MEI4: variants seen among roughly 807,000 people sequenced by gnomAD.
The protein encoded by MEI4 is meiosis-specific protein MEI4.
MEI4 carries 27 observed loss-of-function variants against 31.4 expected under a neutral mutation model. The ratio of observed to expected loss-of-function variants is 0.86; its 90% confidence interval spans 0.63 to 1.19. The LOEUF is 1.19. Ranked by LOEUF, MEI4 falls within the 50% of genes most tolerant of loss-of-function variation. The probability of loss-of-function intolerance (pLI) is 0.00; values close to 1 mark genes in which losing one functional copy is unlikely to be tolerated. For synonymous variants in MEI4, 122 were observed against 145.4 expected (o/e 0.84, Z 1.16); for missense variants, 329 against 398.9 (o/e 0.82, Z 1.49).
At chr6:77,785,257 C>A (rs193262166) in intron 3 of MEI4, among the ~76,000 whole-genome samples, 1 of 152,212 alleles carries the variant, frequency 6.6e-6, no homozygotes, top group Non-Finnish European at 1.5e-5. Flanking sequence ...TATTATTTTA[C>A]TCTTAAATGC....
At chr6:77,841,332 T>TAC (rs1770355941) in intron 4 of MEI4, among the ~76,000 whole-genome samples, 3 of 58,634 alleles carry the variant, frequency 5.1e-5, no homozygotes, top group Middle Eastern at 5.3e-3. Context: ...TATATATATA[T>TAC]ATTTTTTTTT....
intron 2 of MEI4, among the ~76,000 whole-genome samples, chr6:77,744,924 A>G (rs1253736522): frequency 1.3e-5 from 2 of 152,146 alleles, no homozygotes; most frequent in Admixed American, 6.6e-5. Flanking sequence ...AATGCTAAGA[A>G]ATTTTGTCAC....
At chr6:77,778,608 G>A (rs1049133143) in intron 3 of MEI4, among the ~76,000 whole-genome samples, 71 of 151,842 alleles carry the variant, frequency 4.7e-4, no homozygotes, top group Admixed American at 4.5e-3. Flanking sequence ...AGGCTGAGAT[G>A]GGAGAATCCT....
chr6:77,808,149 C>T (rs900620201), intron 3 of MEI4, among the ~76,000 whole-genome samples: 1 of 152,080 alleles, frequency 6.6e-6, no homozygotes, highest in African/African-American at 2.4e-5. Context: ...AAAAGGGTCC[C>T]AGTTACAAAT....
At chr6:77,662,504 CG>C (rs1475021953) in intron 1 of MEI4, among the ~76,000 whole-genome samples, 1 of 151,882 alleles carries the variant, frequency 6.6e-6, no homozygotes. Flanking sequence ...CTGAAGGAGC[CG>C]GGGAGCAGAA....
intron 4 of MEI4, among the ~76,000 whole-genome samples, chr6:77,916,044 G>C (rs529147402): frequency 6.6e-6 from 1 of 151,872 alleles, no homozygotes; most frequent in Non-Finnish European, 1.5e-5. Context: ...TGACCTAGTT[G>C]ATTGAAGCTT....
intron 2 of MEI4, among the ~76,000 whole-genome samples, chr6:77,713,917 TCA>T (rs1194991962): frequency 3.3e-5 from 5 of 152,136 alleles, no homozygotes; most frequent in African/African-American, 1.2e-4. Context: ...TTTTTTTCTG[TCA>T]CAGTTAAGAT....
At chr6:77,691,823 A>G (rs1441756534) in intron 2 of MEI4, among the ~76,000 whole-genome samples, 1 of 152,014 alleles carries the variant, frequency 6.6e-6, no homozygotes, top group African/African-American at 2.4e-5. Context: ...AGCAAACTAG[A>G]ACGTGTGGTT....
intron 3 of MEI4, among the ~76,000 whole-genome samples, chr6:77,800,054 G>A (rs1303894676): frequency 6.6e-6 from 1 of 151,978 alleles, no homozygotes; most frequent in Non-Finnish European, 1.5e-5. Context: ...AGCTTGATGG[G>A]GATGGCATTG....
chr6:77,861,462 A>G (rs373226495), intron 4 of MEI4, among the ~76,000 whole-genome samples: 1 of 152,328 alleles, frequency 6.6e-6, no homozygotes. Flanking sequence ...GTCAACATAG[A>G]TGAACTATTT....
chr6:77,694,175 A>G (rs183258253), intron 2 of MEI4, among the ~76,000 whole-genome samples: 3 of 152,148 alleles, frequency 2.0e-5, no homozygotes, highest in Admixed American at 1.3e-4. Flanking sequence ...TGTTATGCTA[A>G]ACATTATTTG....
At chr6:77,845,668 C>T (rs6931190) in intron 4 of MEI4, among the ~76,000 whole-genome samples, 35,168 of 151,910 alleles carry the variant, frequency 0.23, 5,162 homozygotes, top group African/African-American at 0.42. Context: ...ATTGATCTGC[C>T]TGCCAGTTTG....
At chr6:77,824,053 T>C (rs1016959660) in intron 3 of MEI4, among the ~76,000 whole-genome samples, 4 of 152,200 alleles carry the variant, frequency 2.6e-5, no homozygotes, top group Admixed American at 1.3e-4. Flanking sequence ...AATTCAGATA[T>C]GATACATTTG....
chr6:77,791,071 G>T lies in MEI4; in HGVS notation c.768+29406G>T, dbSNP rs367694471. 7.1e-3 allele frequency among the ~76,000 whole-genome samples: 1,074 copies of T among 151,962 alleles called. 4 individuals are homozygous for T. Among genetic ancestry groups the T allele is most frequent in the African/African-American group, 0.012 (512 of 41,454 alleles). The stretch of plus-strand genomic sequence containing the variant: ...GGATGTGGAGAAATAGGAACACTTT[G>T]ACACTGTTGGTGGGACTGTAAACTA... On this transcript the variant is annotated intron_variant, in intron 3 of 4. Coordinates refer to ENST00000684080, the MANE Select transcript of MEI4 (RefSeq NM_001322247.2).
intron 2 of MEI4, among the ~76,000 whole-genome samples, chr6:77,731,711 T>C (rs1766998381): frequency 6.6e-6 from 1 of 151,416 alleles, no homozygotes; most frequent in Non-Finnish European, 1.5e-5. Flanking sequence ...CCCATGCCTA[T>C]GTCCTGAATA....
chr6:77,768,561 A>G (rs930018460), intron 3 of MEI4, among the ~76,000 whole-genome samples: 7 of 152,032 alleles, frequency 4.6e-5, no homozygotes, highest in Non-Finnish European at 8.8e-5. Context: ...ATAGCCAGAC[A>G]TGGTGGCATG....
At chr6:77,739,292 T>C (rs937796097) in intron 2 of MEI4, among the ~76,000 whole-genome samples, 3 of 152,178 alleles carry the variant, frequency 2.0e-5, no homozygotes, top group African/African-American at 4.8e-5. Flanking sequence ...GTTTCAGTTT[T>C]CTGCATATGG....
chr6:77,711,868 C>T (rs547987169), intron 2 of MEI4, among the ~76,000 whole-genome samples: 3 of 152,212 alleles, frequency 2.0e-5, no homozygotes, highest in South Asian at 4.1e-4. Flanking sequence ...TCATATGTGG[C>T]TTACTGAACA....
intron 2 of MEI4, among the ~76,000 whole-genome samples, chr6:77,736,361 A>C (rs1249441993): frequency 6.6e-6 from 1 of 152,006 alleles, no homozygotes; most frequent in Non-Finnish European, 1.5e-5. Flanking sequence ...AGCCCGTTGG[A>C]AAAGCGCAGT....
Sources: allele counts gnomAD v4.1 joint callset (sites outside exome capture counted in the v4.1 genomes callset), GRCh38; gene constraint gnomAD v4.1.1; transcripts MANE v1.5; gene names NCBI Gene and HGNC (gene_info 2026-07-23, HGNC 2026-07-21).